ADAMTSL1: variants seen among roughly 807,000 people sequenced by gnomAD.
ADAMTSL1 encodes the protein ADAMTS like 1, also known as ADAMTS-like protein 1.
ADAMTSL1 carries 126 observed loss-of-function variants against 201.8 expected under a neutral mutation model. The observed-to-expected ratio is 0.62, with a 90% CI of 0.54 to 0.72. The LOEUF is 0.72. ADAMTSL1 is among the 30% of genes least tolerant of loss of function. The pLI is 0.00. For synonymous variants in ADAMTSL1, 1,121 were observed against 903.4 expected, an observed-to-expected ratio of 1.24 and a Z score of -4.32; for missense variants, 2,679 against 2,277.8, an observed-to-expected ratio of 1.18 and a Z score of -3.59.
At chr9:18,663,525 C>T (rs1255992838) in intron 9 of ADAMTSL1, among the ~76,000 whole-genome samples, 2 of 152,154 alleles carry the variant, frequency 1.3e-5, no homozygotes, top group East Asian at 3.9e-4. Flanking sequence ...AATTATTCTA[C>T]TTATATATTT....
intron 4 of ADAMTSL1, among the ~76,000 whole-genome samples, chr9:18,584,770 A>G (rs1284627890): frequency 6.6e-6 from 1 of 152,134 alleles, no homozygotes; most frequent in Non-Finnish European, 1.5e-5. Context: ...TTTACTCAGT[A>G]TTGGTGGGCA....
chr9:18,150,001 C>A (rs1244053049), intron 1 of ADAMTSL1, among the ~76,000 whole-genome samples: 1 of 152,006 alleles, frequency 6.6e-6, no homozygotes, highest in East Asian at 1.9e-4. Flanking sequence ...AGCAAGAACA[C>A]ATTTGGAAAG....
chr9:18,686,465 A>C (rs1025086388), intron 13 of ADAMTSL1, among the ~76,000 whole-genome samples: 2 of 152,176 alleles, frequency 1.3e-5, no homozygotes, highest in African/African-American at 4.8e-5. Context: ...GTTGCTGAGG[A>C]GTAAATAAGC....
chr9:18,398,165 A>C (rs1193572482), intron 2 of ADAMTSL1, among the ~76,000 whole-genome samples: 1 of 152,192 alleles, frequency 6.6e-6, no homozygotes, highest in South Asian at 2.1e-4. Flanking sequence ...ATTAAATAGA[A>C]TCAGCCTTCT....
intron 13 of ADAMTSL1, among the ~76,000 whole-genome samples, chr9:18,699,482 A>G (rs1381099026): frequency 6.6e-6 from 1 of 151,626 alleles, no homozygotes; most frequent in Admixed American, 6.6e-5. Context: ...GTGCTACCAG[A>G]CTCAGCTAAC....
intron 2 of ADAMTSL1, among the ~76,000 whole-genome samples, chr9:18,336,705 A>G (rs1835256843): frequency 6.6e-6 from 1 of 152,150 alleles, no homozygotes; most frequent in Non-Finnish European, 1.5e-5. Context: ...TAAAAACATC[A>G]GTTCTAGCAT....
chr9:18,007,672 A>G lies in ADAMTSL1; in HGVS notation c.87+100750A>G, dbSNP rs1819883856. 2.0e-5 allele frequency among the ~76,000 whole-genome samples: 3 copies of G among 151,960 alleles called. No homozygotes were observed. In the South Asian group the frequency reaches 6.2e-4, roughly 32 times the overall value. On this transcript the variant is annotated intron_variant, in intron 1 of 29. Transcript: ENST00000680146. ...CTCTGGTAATGGGGATGATTATGGC[A>G]CTGAAGCCTTCAACACATTCACAGA... is the stretch of plus-strand genomic sequence containing the variant.
intron 1 of ADAMTSL1, among the ~76,000 whole-genome samples, chr9:17,971,276 A>G (rs113896325): frequency 3.5e-4 from 54 of 152,188 alleles, no homozygotes; most frequent in African/African-American, 1.3e-3. Flanking sequence ...GGAGCTAGCT[A>G]TTGACCTTGA....
chr9:18,133,367 T>A (rs1008808714), intron 1 of ADAMTSL1, among the ~76,000 whole-genome samples: 7 of 152,124 alleles, frequency 4.6e-5, no homozygotes, highest in Non-Finnish European at 1.0e-4. Context: ...TCCCTCTGTA[T>A]CTCCTGCCTT....
At chr9:18,847,202 C>G (rs899477623) in intron 23 of ADAMTSL1, among the ~76,000 whole-genome samples, 4 of 151,992 alleles carry the variant, frequency 2.6e-5, no homozygotes, top group African/African-American at 4.8e-5. Context: ...CACAGGAAAT[C>G]AAAAGGAACA....
chr9:17,935,184 C>G (rs1409988810), intron 1 of ADAMTSL1, among the ~76,000 whole-genome samples: 1 of 152,020 alleles, frequency 6.6e-6, no homozygotes, highest in African/African-American at 2.4e-5. Flanking sequence ...ACTTGACTTA[C>G]CACTTTAACA....
At chr9:18,211,658 G>A (rs1401954835) in intron 2 of ADAMTSL1, among the ~76,000 whole-genome samples, 2 of 152,082 alleles carry the variant, frequency 1.3e-5, no homozygotes, top group Non-Finnish European at 2.9e-5. Context: ...CAAAAATGTG[G>A]CAATCCCTTA....
At chr9:18,043,366 TG>T (rs1463243063) in intron 1 of ADAMTSL1, among the ~76,000 whole-genome samples, 2 of 152,224 alleles carry the variant, frequency 1.3e-5, no homozygotes, top group African/African-American at 4.8e-5. Context: ...AAAAATTTTT[TG>T]GGGGGATGTG....
intron 14 of ADAMTSL1, among the ~76,000 whole-genome samples, chr9:18,715,624 G>T (rs1832877795): frequency 6.6e-6 from 1 of 152,164 alleles, no homozygotes; most frequent in African/African-American, 2.4e-5. Context: ...ATGCTCATGG[G>T]TAGGAAGAAT....
chr9:18,268,381 T>G (rs1006064101), intron 2 of ADAMTSL1, among the ~76,000 whole-genome samples: 1 of 152,198 alleles, frequency 6.6e-6, no homozygotes, highest in Non-Finnish European at 1.5e-5. Context: ...TTATCAGTTT[T>G]AAATTACAAA....
chr9:18,288,372 T>C (rs1303175896), intron 2 of ADAMTSL1, among the ~76,000 whole-genome samples: 1 of 152,176 alleles, frequency 6.6e-6, no homozygotes, highest in Non-Finnish European at 1.5e-5. Context: ...TGTTTGCTTG[T>C]TTGCTTAGGT....
intron 1 of ADAMTSL1, among the ~76,000 whole-genome samples, chr9:18,099,343 ATATATATATATATTTTTT>A (rs1164278722): frequency 4.0e-4 from 21 of 52,290 alleles, no homozygotes; most frequent in Admixed American, 2.3e-3. Flanking sequence ...ATATATATAT[ATATATATATATATTTTTT>A]TTTTTTTTTT....
chr9:18,196,920 G>C (rs1363817069), intron 2 of ADAMTSL1, among the ~76,000 whole-genome samples: 1 of 152,022 alleles, frequency 6.6e-6, no homozygotes, highest in African/African-American at 2.4e-5. Flanking sequence ...AAGCCTTCCA[G>C]AACTGTACTA....
At chr9:18,048,682 G>A (rs192349813) in intron 1 of ADAMTSL1, among the ~76,000 whole-genome samples, 4 of 152,140 alleles carry the variant, frequency 2.6e-5, no homozygotes, top group Non-Finnish European at 5.9e-5. Flanking sequence ...AATGGTTGGG[G>A]TTTGACAGCC....
Sources: gnomAD v4.1 joint callset for allele counts (sites outside exome capture counted in the v4.1 genomes callset) on GRCh38, gnomAD v4.1.1 for gene constraint, MANE v1.5 for transcripts, NCBI Gene and HGNC (gene_info 2026-07-23, HGNC 2026-07-21) for gene names.